The following PPP1R12B variants were observed in gnomAD, a reference collection of about 807,000 sequenced individuals.
PPP1R12B encodes the protein protein phosphatase 1 regulatory subunit 12B, also known as myosin phosphatase target subunit 2.
Under a neutral mutation model 126.1 loss-of-function variants are expected in PPP1R12B, and 76 were observed. The observed-to-expected ratio is 0.60, with a 90% CI of 0.50 to 0.73. The LOEUF (loss-of-function observed/expected upper bound fraction) is 0.73. PPP1R12B is among the 30% of genes least tolerant of loss of function. The pLI is 0.00. For missense variants in PPP1R12B, 1,052 were observed against 1,205.1 expected (o/e 0.87, Z 1.88); for synonymous variants, 356 against 434.7 (o/e 0.82, Z 2.25).
intron 10 of PPP1R12B, chr1:202,439,026 A>G (rs1021456555): frequency 3.2e-5 from 43 of 1,355,352 alleles, no homozygotes; most frequent in Non-Finnish European, 4.0e-5. Context: ...AGTGCCCACT[A>G]CCAGTGGGCG....
At position 202,588,765 on chromosome 1, in the gene PPP1R12B, G is replaced by C. The variant is rs1689971490; in HGVS notation, c.*8205G>C. 6.6e-6 allele frequency: 1 copy of C among 151,922 alleles called. No individual in the cohort carries two copies. Among genetic ancestry groups the C allele is most frequent in the Non-Finnish European group, 1.5e-5 (1 of 68,018 alleles). The allele number at this position is 151,922 out of a possible 1,614,324, so 9.4% of individuals were successfully genotyped here. A position where few individuals can be genotyped will look rare whatever the true frequency, so the allele number is the denominator to read the frequency against. ...GAGAAGGGTCTCTGGTAGTATCAAGGAATTTCCTAAATGGAGTCAGGCCAA... is the reference window on the plus strand; with the variant it reads ...GAGAAGGGTCTCTGGTAGTATCAAGCAATTTCCTAAATGGAGTCAGGCCAA... On this transcript the variant is annotated 3_prime_UTR_variant, in exon 24 of 24. Coordinates refer to ENST00000608999, the MANE Select transcript of PPP1R12B (RefSeq NM_002481.4).
At chr1:202,526,639 A>G (rs1306267618) in intron 18 of PPP1R12B, among the ~76,000 whole-genome samples, 12 of 152,206 alleles carry the variant, frequency 7.9e-5, no homozygotes, top group Non-Finnish European at 1.5e-5. Flanking sequence ...CATCAAGAGC[A>G]TGAGAGACAG....
At chr1:202,351,253 A>G (rs1471782548) in intron 1 of PPP1R12B, among the ~76,000 whole-genome samples, 1 of 151,680 alleles carries the variant, frequency 6.6e-6, no homozygotes, top group Non-Finnish European at 1.5e-5. Context: ...AAAAAAAAAA[A>G]AAACAGTGTC....
chr1:202,376,281 C>T (rs1199282926), intron 1 of PPP1R12B, among the ~76,000 whole-genome samples: 1 of 152,102 alleles, frequency 6.6e-6, no homozygotes, highest in Non-Finnish European at 1.5e-5. Context: ...AATTTGATAG[C>T]ATGTTCTTAC....
At chr1:202,532,860 CTTT>C (rs375983770) in intron 18 of PPP1R12B, among the ~76,000 whole-genome samples, 4 of 93,846 alleles carry the variant, frequency 4.3e-5, no homozygotes, top group African/African-American at 1.8e-4. Flanking sequence ...ATCACATTCA[CTTT>C]TTTTTTTTTT....
intron 3 of PPP1R12B, among the ~76,000 whole-genome samples, chr1:202,423,545 G>A (rs1669099348): frequency 6.6e-6 from 1 of 152,174 alleles, no homozygotes; most frequent in South Asian, 2.1e-4. Context: ...TAGATTGGAT[G>A]AACCACAAAC....
chr1:202,453,774 TTTC>T (rs1406341059), intron 13 of PPP1R12B, among the ~76,000 whole-genome samples: 1 of 152,100 alleles, frequency 6.6e-6, no homozygotes, highest in Admixed American at 6.5e-5. Flanking sequence ...AAATAGTGTT[TTTC>T]TTCTTCTTTT....
intron 1 of PPP1R12B, among the ~76,000 whole-genome samples, chr1:202,409,611 C>T (rs764937798): frequency 6.6e-6 from 1 of 152,084 alleles, no homozygotes; most frequent in Non-Finnish European, 1.5e-5. Flanking sequence ...TGACCCACAA[C>T]GCCCAGCCAA....
chr1:202,408,832 ATTAT>A (rs1301362368), intron 1 of PPP1R12B, among the ~76,000 whole-genome samples: 9 of 132,542 alleles, frequency 6.8e-5, no homozygotes, highest in Non-Finnish European at 9.7e-5. Flanking sequence ...TTCAATTATT[ATTAT>A]TTCTTTCTTT....
chr1:202,529,193 A>T (rs1187313008), intron 18 of PPP1R12B, among the ~76,000 whole-genome samples: 1 of 152,134 alleles, frequency 6.6e-6, no homozygotes, highest in Non-Finnish European at 1.5e-5. Context: ...AAATGAATAA[A>T]CATTTACATT....
intron 10 of PPP1R12B, chr1:202,439,397 G>C: frequency 1.6e-6 from 2 of 1,238,898 alleles, no homozygotes; most frequent in Non-Finnish European, 2.4e-6. Context: ...ACGCGGCACA[G>C]CGGAGCACGG....
At chr1:202,519,379 C>T (rs539783022) in intron 18 of PPP1R12B, among the ~76,000 whole-genome samples, 5 of 152,118 alleles carry the variant, frequency 3.3e-5, no homozygotes, top group Non-Finnish European at 5.9e-5. Context: ...ATTCTCATGC[C>T]TCCACCTCCT....
intron 13 of PPP1R12B, among the ~76,000 whole-genome samples, chr1:202,471,624 A>G (rs1034755578): frequency 6.7e-6 from 1 of 150,022 alleles, no homozygotes; most frequent in Non-Finnish European, 1.5e-5. Flanking sequence ...AATCTAAGGA[A>G]GATGAAATCA....
At chr1:202,482,650 C>CA (rs569487346) in intron 13 of PPP1R12B, among the ~76,000 whole-genome samples, 66 of 152,254 alleles carry the variant, frequency 4.3e-4, no homozygotes, top group African/African-American at 1.6e-3. Flanking sequence ...AACTCCTTGT[C>CA]AGATGTATAG....
At chr1:202,378,247 C>CTTTTTTTTTTTTTTT (rs386369339) in intron 1 of PPP1R12B, among the ~76,000 whole-genome samples, 2 of 93,364 alleles carry the variant, frequency 2.1e-5, no homozygotes, top group Admixed American at 1.3e-4. Context: ...TGTCTTCATT[C>CTTTTTTTTTTTTTTT]TTTTTTTTTT....
At chr1:202,493,465 T>G in intron 15 of PPP1R12B, 148 bp downstream of exon 15, 1 of 882,958 alleles carries the variant, frequency 1.1e-6, no homozygotes, top group South Asian at 1.9e-5. Context: ...CAAACCTGTG[T>G]GACAAAAATT....
At position 202,541,555 on chromosome 1, in the gene PPP1R12B, C is replaced by T. The variant is rs183163685; in HGVS notation, c.2491-17322C>T. Among the ~76,000 whole-genome samples, 595 of 152,224 alleles carry T rather than the reference C, an allele frequency of 3.9e-3. 1 individual carries two copies. Among genetic ancestry groups the T allele is most frequent in the African/African-American group, 0.014 (569 of 41,544 alleles). ...TTTTTGCTGGCTACCAATTGAGGTC[C>T]ACAAAACTGAACACCTTACTTCAGT... On this transcript the variant is annotated intron_variant, in intron 18 of 23. Coordinates refer to ENST00000608999, the MANE Select transcript of PPP1R12B (RefSeq NM_002481.4).
chr1:202,417,534 A>C (rs1399487092), intron 2 of PPP1R12B: 5 of 311,738 alleles, frequency 1.6e-5, no homozygotes, highest in Admixed American at 6.5e-5. Context: ...GTGGTACCTG[A>C]GATATAAGAG....
At chr1:202,434,482 T>C (rs532445050) in intron 8 of PPP1R12B, among the ~76,000 whole-genome samples, 174 bp from the exon 9 acceptor site, 92 of 152,340 alleles carry the variant, frequency 6.0e-4, no homozygotes, top group African/African-American at 2.0e-3. Flanking sequence ...AGTTTATTTT[T>C]TTCTGCCAAC....
Sources: gnomAD v4.1 joint callset for allele counts (sites outside exome capture counted in the v4.1 genomes callset) on GRCh38, gnomAD v4.1.1 for gene constraint, MANE v1.5 for transcripts, NCBI Gene and HGNC (gene_info 2026-07-23, HGNC 2026-07-21) for gene names.